Variants in SCHIP1 observed in about 807,000 individuals in gnomAD.
SCHIP1 encodes schwannomin interacting protein 1.
In SCHIP1, 8 loss-of-function variants were observed where a neutral mutation model predicts 29.7. The observed-to-expected ratio is 0.27, with a 90% CI of 0.16 to 0.49. The LOEUF (loss-of-function observed/expected upper bound fraction) is 0.49, where lower values mean the gene tolerates loss of function less well. SCHIP1 is among the 20% of genes least tolerant of loss of function. The probability of loss-of-function intolerance (pLI) is 0.99; values close to 1 mark genes in which losing one functional copy is unlikely to be tolerated. For synonymous variants in SCHIP1, 76 were observed against 94.9 expected (o/e 0.80, Z 1.16); for missense variants, 193 against 294.6 (o/e 0.66, Z 2.52).
At chr3:159,468,779 T>TA in the SCHIP1 span, among the ~76,000 whole-genome samples, 76 of 98,662 alleles carry the variant, frequency 7.7e-4, no homozygotes, top group African/African-American at 3.1e-3. Flanking sequence ...ATATATATAT[T>TA]TTTTTTAGAT....
the SCHIP1 span, among the ~76,000 whole-genome samples, chr3:159,447,798 A>G: frequency 3.2e-3 from 494 of 152,316 alleles, 2 homozygotes; most frequent in African/African-American, 0.012. Flanking sequence ...ATAAATGTGC[A>G]GTTTCCCAGT....
the SCHIP1 span, among the ~76,000 whole-genome samples, chr3:159,656,955 G>A: frequency 6.6e-6 from 1 of 151,946 alleles, no homozygotes; most frequent in Non-Finnish European, 1.5e-5. Context: ...TCCCTCAAGT[G>A]ACATCCAGGG....
the SCHIP1 span, among the ~76,000 whole-genome samples, chr3:159,817,407 G>A: frequency 1.1e-4 from 16 of 152,230 alleles, no homozygotes; most frequent in South Asian, 3.1e-3. Context: ...AAGCAACCTG[G>A]ACACTGAATT....
chr3:159,527,729 TGG>T, the SCHIP1 span, among the ~76,000 whole-genome samples: 1 of 152,206 alleles, frequency 6.6e-6, no homozygotes, highest in South Asian at 2.1e-4. Context: ...AATTTGCATT[TGG>T]AGTAGTTTTT....
chr3:159,694,256 C>G, the SCHIP1 span, among the ~76,000 whole-genome samples: 2 of 152,090 alleles, frequency 1.3e-5, no homozygotes, highest in East Asian at 3.9e-4. Context: ...AACCCTAACC[C>G]TAACCCTAAT....
chr3:159,649,352 C>A, the SCHIP1 span, among the ~76,000 whole-genome samples: 1 of 152,094 alleles, frequency 6.6e-6, no homozygotes, highest in Non-Finnish European at 1.5e-5. Context: ...AAATGCAAAC[C>A]ATCAGTCTTT....
the SCHIP1 span, among the ~76,000 whole-genome samples, chr3:159,557,761 G>T: frequency 6.6e-6 from 1 of 152,212 alleles, no homozygotes; most frequent in Non-Finnish European, 1.5e-5. Context: ...GTTCTGAGCT[G>T]CAGTAATATG....
chr3:159,593,688 T>C, the SCHIP1 span, among the ~76,000 whole-genome samples: 2 of 147,348 alleles, frequency 1.4e-5, no homozygotes, highest in African/African-American at 5.4e-5. Flanking sequence ...CTGCCACCCA[T>C]TGTAGAAGAA....
chr3:159,313,245 C>T, the SCHIP1 span, among the ~76,000 whole-genome samples: 4 of 152,164 alleles, frequency 2.6e-5, no homozygotes, highest in Admixed American at 1.3e-4. Context: ...AAGCAAGATA[C>T]GCAGGAAAGA....
At chr3:159,591,360 C>T in the SCHIP1 span, among the ~76,000 whole-genome samples, 4 of 152,156 alleles carry the variant, frequency 2.6e-5, no homozygotes, top group South Asian at 2.1e-4. Context: ...TACAGTGTGG[C>T]GATTCCTCAA....
chr3:159,396,652 A>G, the SCHIP1 span, among the ~76,000 whole-genome samples: 4 of 152,032 alleles, frequency 2.6e-5, no homozygotes, highest in African/African-American at 7.2e-5. Flanking sequence ...ATTGGCCCCA[A>G]CTCTCCTCTG....
chr3:159,737,591 C>A, the SCHIP1 span, among the ~76,000 whole-genome samples: 1 of 152,184 alleles, frequency 6.6e-6, no homozygotes, highest in Non-Finnish European at 1.5e-5. Flanking sequence ...GTAACAGGCA[C>A]TGTGCTAAAG....
intron 1 of SCHIP1, among the ~76,000 whole-genome samples, chr3:159,848,994 C>A (rs747602056): frequency 1.6e-4 from 24 of 151,974 alleles, no homozygotes; most frequent in Non-Finnish European, 3.2e-4. Context: ...TGCTTGCATT[C>A]ATGTTTCAGG....
At chr3:159,713,153 CA>C in the SCHIP1 span, among the ~76,000 whole-genome samples, 3,260 of 46,664 alleles carry the variant, frequency 0.07, 62 homozygotes, top group African/African-American at 0.13. Flanking sequence ...GAAACTCCAT[CA>C]AAAAAAAAAA....
At chr3:159,556,426 C>T in the SCHIP1 span, among the ~76,000 whole-genome samples, 112 of 151,842 alleles carry the variant, frequency 7.4e-4, no homozygotes, top group African/African-American at 2.6e-3. Context: ...GGGTATATAC[C>T]CAAAGGATTA....
At chr3:159,344,359 T>G in the SCHIP1 span, among the ~76,000 whole-genome samples, 1 of 151,566 alleles carries the variant, frequency 6.6e-6, no homozygotes, top group African/African-American at 2.4e-5. Flanking sequence ...TCTTGGTTTC[T>G]AATACCATTC....
chr3:159,832,330 C>T, the SCHIP1 span, among the ~76,000 whole-genome samples: 1 of 152,110 alleles, frequency 6.6e-6, no homozygotes, highest in Non-Finnish European at 1.5e-5. Flanking sequence ...CACTCCTGAC[C>T]CAGTTCTTCT....
the SCHIP1 span, among the ~76,000 whole-genome samples, chr3:159,552,521 C>T: frequency 5.4e-4 from 82 of 152,278 alleles, 1 homozygote; most frequent in East Asian, 0.015. Context: ...AACTGCAGTA[C>T]ATTCAGCTTT....
At chr3:159,655,085 A>G in the SCHIP1 span, among the ~76,000 whole-genome samples, 3 of 152,210 alleles carry the variant, frequency 2.0e-5, no homozygotes, top group Non-Finnish European at 4.4e-5. Flanking sequence ...TTCAACTCCC[A>G]GCTCTACCAT....
Sources: allele counts gnomAD v4.1 joint callset (sites outside exome capture counted in the v4.1 genomes callset), GRCh38; gene constraint gnomAD v4.1.1; transcripts MANE v1.5; gene names NCBI Gene and HGNC (gene_info 2026-07-23, HGNC 2026-07-21).